MRPS31: variants seen among roughly 807,000 people sequenced by gnomAD.
MRPS31 encodes small ribosomal subunit protein mS31.
A neutral mutation model predicts 43.1 loss-of-function variants in MRPS31; 32 were observed. The ratio of observed to expected loss-of-function variants is 0.74; its 90% confidence interval spans 0.56 to 1.00. MRPS31 has a LOEUF of 1.00. Among genes scored for constraint, MRPS31 ranks in the 50% least tolerant of loss-of-function variants. The pLI, the probability that MRPS31 is intolerant of heterozygous loss-of-function variation, is 0.00. For missense variants in MRPS31, 437 were observed against 466.7 expected, an observed-to-expected ratio of 0.94 and a Z score of 0.59; for synonymous variants, 165 against 161.6, an observed-to-expected ratio of 1.02 and a Z score of -0.16.
At chr13:40,753,852 G>A (rs1285480614) in intron 5 of MRPS31, among the ~76,000 whole-genome samples, 167 bp downstream of exon 5, 1 of 152,118 alleles carries the variant, frequency 6.6e-6, no homozygotes, top group Non-Finnish European at 1.5e-5. Context: ...AGTTTAGGCG[G>A]ACATTACAGT....
chr13:40,735,263 C>G (rs967518184), intron 6 of MRPS31, among the ~76,000 whole-genome samples: 1 of 152,236 alleles, frequency 6.6e-6, no homozygotes, highest in African/African-American at 2.4e-5. Context: ...TATCCCGCAC[C>G]TGGCTCAGAG....
chr13:40,761,980 G>A (rs1435611471), intron 2 of MRPS31, among the ~76,000 whole-genome samples: 1 of 151,552 alleles, frequency 6.6e-6, no homozygotes, highest in Admixed American at 6.6e-5. Flanking sequence ...GGTGGCTCAC[G>A]CCTGTTATCC....
chr13:40,734,762 G>A (rs1409591728), intron 6 of MRPS31, among the ~76,000 whole-genome samples: 1 of 152,064 alleles, frequency 6.6e-6, no homozygotes, highest in Non-Finnish European at 1.5e-5. Context: ...CAGGCATGGT[G>A]GTGTGCCTGT....
At chr13:40,739,993 T>C (rs1447038770) in intron 6 of MRPS31, among the ~76,000 whole-genome samples, 1 of 147,522 alleles carries the variant, frequency 6.8e-6, no homozygotes, top group Non-Finnish European at 1.5e-5. Context: ...ACCATCAGAG[T>C]GAACAGGCAA....
At chr13:40,750,183 ACT>A (rs1880345498) in intron 5 of MRPS31, among the ~76,000 whole-genome samples, 1 of 152,294 alleles carries the variant, frequency 6.6e-6, no homozygotes, top group South Asian at 2.1e-4. Context: ...ATTGTATACT[ACT>A]CAGTAATAAA....
At chr13:40,740,945 A>AT (rs1555258435) in intron 6 of MRPS31, among the ~76,000 whole-genome samples, 24 of 126,926 alleles carry the variant, frequency 1.9e-4, no homozygotes, top group Admixed American at 1.3e-3. Context: ...ATAAAAAAAA[A>AT]TTAAAAAAAA....
intron 6 of MRPS31, among the ~76,000 whole-genome samples, chr13:40,736,454 A>C (rs1316592690): frequency 2.1e-5 from 3 of 145,432 alleles, no homozygotes; most frequent in Non-Finnish European, 4.5e-5. Flanking sequence ...CTCCTCGAGA[A>C]AAGCAACTCC....
At chr13:40,744,246 G>A (rs2056659454) in intron 6 of MRPS31, among the ~76,000 whole-genome samples, 1 of 152,120 alleles carries the variant, frequency 6.6e-6, no homozygotes, top group Admixed American at 6.6e-5. Context: ...CCACCTATCA[G>A]GTATTACGCT....
chr13:40,767,779 A>C (rs1357099880), intron 1 of MRPS31, among the ~76,000 whole-genome samples: 1 of 152,256 alleles, frequency 6.6e-6, no homozygotes, highest in Non-Finnish European at 1.5e-5. Context: ...GACTGACTGC[A>C]AGTCCTTGCT....
chr13:40,738,214 T>G (rs1204165142), intron 6 of MRPS31, among the ~76,000 whole-genome samples: 1 of 151,148 alleles, frequency 6.6e-6, no homozygotes, highest in Non-Finnish European at 1.5e-5. Context: ...CCTTGACACA[T>G]ACACTCTCCC....
At chr13:40,734,203 C>T (rs1167205841) in intron 6 of MRPS31, among the ~76,000 whole-genome samples, 4 of 152,014 alleles carry the variant, frequency 2.6e-5, no homozygotes, top group Admixed American at 2.6e-4. Context: ...TAAAAAAGTA[C>T]CAAGACAGAG....
At chr13:40,751,353 A>G (rs1880385926) in intron 5 of MRPS31, among the ~76,000 whole-genome samples, 1 of 152,216 alleles carries the variant, frequency 6.6e-6, no homozygotes, top group African/African-American at 2.4e-5. Context: ...ACTATGTTCC[A>G]GGCACTGTGC....
At chr13:40,732,442 CAT>C (rs1190666116) in intron 6 of MRPS31, among the ~76,000 whole-genome samples, 2 of 152,152 alleles carry the variant, frequency 1.3e-5, no homozygotes, top group Non-Finnish European at 2.9e-5. Flanking sequence ...AAGAACTAAA[CAT>C]GTGCATGGGC....
intron 6 of MRPS31, among the ~76,000 whole-genome samples, chr13:40,732,046 A>T (rs1879715682): frequency 6.6e-6 from 1 of 152,256 alleles, no homozygotes; most frequent in Non-Finnish European, 1.5e-5. Flanking sequence ...GAAAAAGGCT[A>T]CAGAGCTATG....
intron 1 of MRPS31, among the ~76,000 whole-genome samples, chr13:40,767,896 T>C (rs1232431085): frequency 6.6e-6 from 1 of 152,240 alleles, no homozygotes; most frequent in African/African-American, 2.4e-5. Flanking sequence ...TGTTATCTAA[T>C]CTGATCAACA....
At chr13:40,741,349 C>T (rs189980325) in intron 6 of MRPS31, among the ~76,000 whole-genome samples, 20 of 152,178 alleles carry the variant, frequency 1.3e-4, no homozygotes, top group East Asian at 1.2e-3. Flanking sequence ...ATTTCCAACA[C>T]ATGTAAGAGT....
chr13:40,756,314 A>G (rs1382784092), intron 4 of MRPS31, among the ~76,000 whole-genome samples: 1 of 152,220 alleles, frequency 6.6e-6, no homozygotes, highest in Non-Finnish European at 1.5e-5. Flanking sequence ...TTTAGATTCT[A>G]AAATAACTAT....
intron 6 of MRPS31, among the ~76,000 whole-genome samples, chr13:40,737,920 C>T (rs1180412694): frequency 6.6e-6 from 1 of 151,642 alleles, no homozygotes; most frequent in East Asian, 1.9e-4. Context: ...TAGCAGAAGG[C>T]AAGAAATAAC....
At chr13:40,744,426 C>CT (rs956582659) in intron 6 of MRPS31, among the ~76,000 whole-genome samples, 56 of 152,154 alleles carry the variant, frequency 3.7e-4, no homozygotes, top group African/African-American at 1.3e-3. Context: ...AAAAAGGAGA[C>CT]ATAAATTAAA....
Sources: allele counts gnomAD v4.1 joint callset (sites outside exome capture counted in the v4.1 genomes callset), GRCh38; gene constraint gnomAD v4.1.1; transcripts MANE v1.5; gene names NCBI Gene and HGNC (gene_info 2026-07-23, HGNC 2026-07-21).